IRF2: variants seen among roughly 807,000 people sequenced by gnomAD.
IRF2 encodes the protein interferon regulatory factor 2.
IRF2 carries 15 observed loss-of-function variants against 40.6 expected under a neutral mutation model. That is an observed-to-expected ratio of 0.37 (90% confidence interval 0.25 to 0.57). The LOEUF (loss-of-function observed/expected upper bound fraction) is 0.57, where lower values mean the gene tolerates loss of function less well. Among genes scored for constraint, IRF2 ranks in the 20% least tolerant of loss-of-function variants. The pLI, the probability that IRF2 is intolerant of heterozygous loss-of-function variation, is 0.77. For missense variants in IRF2, 317 were observed against 455.7 expected (o/e 0.70, Z 2.77); for synonymous variants, 151 against 165.5 (o/e 0.91, Z 0.67).
intron 1 of IRF2, among the ~76,000 whole-genome samples, chr4:184,445,832 C>G (rs565264140): frequency 1.3e-5 from 2 of 152,270 alleles, no homozygotes; most frequent in East Asian, 3.9e-4. Context: ...CAGTGGCCCC[C>G]CAACATTCGT....
intron 1 of IRF2, among the ~76,000 whole-genome samples, chr4:184,434,706 G>C (rs186870295): frequency 6.6e-6 from 1 of 152,186 alleles, no homozygotes; most frequent in South Asian, 2.1e-4. Flanking sequence ...TATAAGGCAT[G>C]CAAGCTATTC....
Position 184,432,409 on chromosome 4 carries a change from C to T in IRF2, c.-6-3339G>A, listed in dbSNP as rs528184268. ...CACATCGTTGTGCTTTTTTTGGTGA[C>T]TTTGCTGTTTAAAATGGCCCCCAGG... On this transcript the variant is annotated intron_variant, in intron 1 of 8. Coordinates refer to ENST00000393593, the MANE Select transcript of IRF2 (RefSeq NM_002199.4). Among the ~76,000 whole-genome samples, 4 of 152,316 alleles carry T rather than the reference C, an allele frequency of 2.6e-5. No homozygotes were observed. The South Asian group carries it at 8.3e-4, about 32-fold the overall frequency.
chr4:184,389,180 GA>G, intron 8 of IRF2, 114 bp from the exon 9 acceptor site: 1 of 999,744 alleles, frequency 1.0e-6, no homozygotes, highest in Non-Finnish European at 1.5e-6. Context: ...AGCACTTTGG[GA>G]GGCTGAGGCT....
intron 1 of IRF2, among the ~76,000 whole-genome samples, chr4:184,455,471 G>A (rs766075408): frequency 2.0e-5 from 3 of 151,328 alleles, no homozygotes; most frequent in Non-Finnish European, 4.4e-5. Context: ...TGCAACCAAA[G>A]CTTACAGCTT....
At chr4:184,453,801 G>A (rs929422474) in intron 1 of IRF2, among the ~76,000 whole-genome samples, 3 of 152,194 alleles carry the variant, frequency 2.0e-5, no homozygotes, top group African/African-American at 7.2e-5. Flanking sequence ...GTGTCACCCA[G>A]TCACCTTTGA....
At chr4:184,406,156 G>A (rs114454113) in intron 6 of IRF2, among the ~76,000 whole-genome samples, 20 of 152,172 alleles carry the variant, frequency 1.3e-4, no homozygotes, top group African/African-American at 4.8e-4. Flanking sequence ...GAAGGCATGG[G>A]CACAGCTGAC....
intron 1 of IRF2, among the ~76,000 whole-genome samples, chr4:184,446,928 C>T (rs1487620212): frequency 1.3e-5 from 2 of 152,008 alleles, no homozygotes; most frequent in Admixed American, 1.3e-4. Context: ...TGCACTCCAG[C>T]CTGGGCGACA....
At chr4:184,457,338 G>A (rs1357478011) in intron 1 of IRF2, among the ~76,000 whole-genome samples, 2 of 152,118 alleles carry the variant, frequency 1.3e-5, no homozygotes, top group South Asian at 2.1e-4. Flanking sequence ...TGAGGTGTTC[G>A]CCCAGCCCTT....
At chr4:184,460,685 G>GCA (rs1005091630) in intron 1 of IRF2, among the ~76,000 whole-genome samples, 10 of 109,648 alleles carry the variant, frequency 9.1e-5, no homozygotes, top group East Asian at 8.7e-4. Context: ...ACACATGCAC[G>GCA]CACACACACA....
At chr4:184,459,203 C>T (rs946779619) in intron 1 of IRF2, among the ~76,000 whole-genome samples, 4 of 152,058 alleles carry the variant, frequency 2.6e-5, no homozygotes, top group African/African-American at 9.7e-5. Context: ...CAAGGGCAGC[C>T]GCGAGGATAA....
intron 1 of IRF2, among the ~76,000 whole-genome samples, chr4:184,473,594 C>A (rs538376589): frequency 6.8e-6 from 1 of 147,838 alleles, no homozygotes; most frequent in East Asian, 2.0e-4. Context: ...CGGCCCAGCC[C>A]CCAGGAAGCA....
At chr4:184,419,384 C>T (rs1222856888) in intron 3 of IRF2, 85 bp downstream of exon 3, 1 of 927,948 alleles carries the variant, frequency 1.1e-6, no homozygotes, top group East Asian at 2.4e-5. Context: ...TTCATGAGGT[C>T]ATAAGCCAGG....
intron 1 of IRF2, among the ~76,000 whole-genome samples, chr4:184,470,072 T>A (rs556910835): frequency 6.6e-6 from 1 of 152,326 alleles, no homozygotes; most frequent in South Asian, 2.1e-4. Flanking sequence ...ACACTGTGCA[T>A]GAAGCTGGCA....
chr4:184,437,347 C>T (rs899259032), intron 1 of IRF2, among the ~76,000 whole-genome samples: 26 of 143,326 alleles, frequency 1.8e-4, no homozygotes, highest in Middle Eastern at 3.2e-3. Flanking sequence ...TGAGCCACCG[C>T]GCCTGGCCTA....
chr4:184,430,460 G>T (rs1375173272), intron 1 of IRF2, among the ~76,000 whole-genome samples: 1 of 152,004 alleles, frequency 6.6e-6, no homozygotes, highest in Admixed American at 6.6e-5. Flanking sequence ...CTAAGACCTA[G>T]CCTCCTCCTC....
chr4:184,389,037 A>C lies in IRF2; in HGVS notation c.771T>G (p.Ile257Met). ...EGRPHWRKRNIEGKQYLSNMG... is the reference protein window; with the variant it reads ...EGRPHWRKRNMEGKQYLSNMG... ...TGTTGCTGAGGTACTGTTTGCCTTC[A>C]ATATTCCTCTTCCGCCAGTGTGGCC... Residue 257 changes from isoleucine to methionine, a missense_variant, in exon 9 of 9, where the codon ATT becomes ATG. Physicochemically the swap from Ile to Met is conservative, Grantham distance 10 (BLOSUM62 1). Transcript: ENST00000393593. The C allele has an allele frequency of 6.2e-7, 1 of 1,614,190 alleles. No homozygotes were observed. Among genetic ancestry groups the C allele is most frequent in the South Asian group, 1.1e-5 (1 of 91,088 alleles).
rs560489676 is a variant in IRF2, at chr4:184,450,997, C to A, written c.-6-21927G>T. ...GACTAAATACCCAGAAGCACAAATG[C>A]AAAAACAGACACAGGAATTGTCTGG... On this transcript the variant is annotated intron_variant, in intron 1 of 8. Coordinates refer to ENST00000393593, the MANE Select transcript of IRF2 (RefSeq NM_002199.4). Among the ~76,000 whole-genome samples, 604 of 152,274 alleles carry A rather than the reference C, an allele frequency of 4.0e-3. 6 individuals are homozygous for A. Among genetic ancestry groups the A allele is most frequent in the African/African-American group, 0.014 (573 of 41,560 alleles).
intron 5 of IRF2, among the ~76,000 whole-genome samples, chr4:184,412,832 G>A (rs1222554981): frequency 1.3e-5 from 2 of 152,080 alleles, no homozygotes; most frequent in Non-Finnish European, 2.9e-5. Context: ...GCGGGCCTTT[G>A]TCTGCATCTC....
chr4:184,430,742 C>T (rs778940934), intron 1 of IRF2, among the ~76,000 whole-genome samples: 14 of 152,158 alleles, frequency 9.2e-5, no homozygotes, highest in East Asian at 1.9e-4. Flanking sequence ...GTCACCCAGA[C>T]GGGAGTGCAG....
Sources: allele counts gnomAD v4.1 joint callset (sites outside exome capture counted in the v4.1 genomes callset), GRCh38; gene constraint gnomAD v4.1.1; transcripts MANE v1.5; gene names NCBI Gene and HGNC (gene_info 2026-07-23, HGNC 2026-07-21).